CAVIN1: variants seen among roughly 807,000 people sequenced by gnomAD.
CAVIN1 encodes the protein caveolae-associated protein 1.
In CAVIN1, 16 loss-of-function variants were observed where a neutral mutation model predicts 24.0. That is an observed-to-expected ratio of 0.67 (90% confidence interval 0.45 to 1.01). The LOEUF is 1.01. Among genes scored for constraint, CAVIN1 ranks in the 50% least tolerant of loss-of-function variants. CAVIN1 has a pLI of 0.00. For synonymous variants in CAVIN1, 256 were observed against 256.4 expected, an observed-to-expected ratio of 1.00 and a Z score of 0.02; for missense variants, 510 against 551.7, an observed-to-expected ratio of 0.92 and a Z score of 0.76.
At chr17:42,418,141 T>G (rs1224155893) in intron 1 of CAVIN1, among the ~76,000 whole-genome samples, 3 of 152,068 alleles carry the variant, frequency 2.0e-5, no homozygotes, top group Non-Finnish European at 4.4e-5. Context: ...GTAAAGTTAC[T>G]CTATGATGTT....
At chr17:42,422,579 G>A (rs2085558222) in intron 1 of CAVIN1, 48 bp downstream of exon 1, 1 of 1,456,862 alleles carries the variant, frequency 6.9e-7, no homozygotes, top group Non-Finnish European at 9.4e-7. Context: ...GGCAGGGGAC[G>A]CGGGCCGGGC....
intron 1 of CAVIN1, chr17:42,412,086 G>A: frequency 1.0e-6 from 1 of 985,346 alleles, no homozygotes; most frequent in Non-Finnish European, 1.2e-6. Context: ...GGGTGGGCCG[G>A]GGCCCAGGCT....
chr17:42,404,576 G>T lies in CAVIN1; in HGVS notation c.*111C>A, dbSNP rs1041010943. On this transcript the variant is annotated 3_prime_UTR_variant, in exon 2 of 2. Coordinates refer to ENST00000357037, the MANE Select transcript of CAVIN1 (RefSeq NM_012232.6). ...AGTGGAGTTCCTGGAGGTGTGGGGAGGGGGGCGTGTTTTCAATTTAGAAAA... is the reference window on the plus strand; with the variant it reads ...AGTGGAGTTCCTGGAGGTGTGGGGATGGGGGCGTGTTTTCAATTTAGAAAA... 1.0e-5 allele frequency: 7 copies of T among 702,120 alleles called. No individual in the cohort carries two copies. The highest frequency in any genetic ancestry group is 3.9e-5 in the Admixed American group (1 of 25,642). The allele number at this position is 702,120 out of a possible 1,614,324, so 43.5% of individuals were successfully genotyped here. A position where few individuals can be genotyped will look rare whatever the true frequency, so the allele number is the denominator to read the frequency against.
chr17:42,412,202 C>T (rs1434183061), intron 1 of CAVIN1: 3 of 985,066 alleles, frequency 3.0e-6, no homozygotes, highest in Non-Finnish European at 3.6e-6. Flanking sequence ...TCAAAAGGCA[C>T]GATCTTGGGT....
At chr17:42,415,042 G>T (rs1192742155) in intron 1 of CAVIN1, among the ~76,000 whole-genome samples, 1 of 150,656 alleles carries the variant, frequency 6.6e-6, no homozygotes, top group Non-Finnish European at 1.5e-5. Flanking sequence ...GCACTTACAA[G>T]GCTAAGCAGC....
Position 42,422,966 on chromosome 17 carries a change from G to T in CAVIN1, c.132C>A (p.Ile44=). ...EPSGAGSEEL[I]KSDQVNGVLV... is the part of the protein sequence containing the mutation. Reference sequence around the variant, plus strand: ...GCACGCCGTTCACCTGGTCCGACTTGATCAGCTCTTCTGAGCCGGCCCCCG... The same window carrying T: ...GCACGCCGTTCACCTGGTCCGACTTTATCAGCTCTTCTGAGCCGGCCCCCG... Residue 44 remains isoleucine (I), a synonymous_variant, in exon 1 of 2, where the codon ATC becomes ATA. Coordinates refer to ENST00000357037, the MANE Select transcript of CAVIN1 (RefSeq NM_012232.6). The T allele has an allele frequency of 6.2e-7, 1 of 1,613,934 alleles. No individual in the cohort carries two copies. The highest frequency in any genetic ancestry group is 8.5e-7 in the Non-Finnish European group (1 of 1,179,988).
At chr17:42,409,076 G>A (rs1486273063) in intron 1 of CAVIN1, among the ~76,000 whole-genome samples, 2 of 151,992 alleles carry the variant, frequency 1.3e-5, no homozygotes, top group African/African-American at 2.4e-5. Context: ...ACAGGCACGA[G>A]CCACCGCATC....
chr17:42,413,657 A>T (rs889898399), intron 1 of CAVIN1, among the ~76,000 whole-genome samples: 4 of 149,688 alleles, frequency 2.7e-5, no homozygotes, highest in Admixed American at 1.3e-4. Context: ...TAATAAACAC[A>T]GCTTCAATTG....
At chr17:42,410,104 A>G (rs2085467173) in intron 1 of CAVIN1, among the ~76,000 whole-genome samples, 1 of 152,176 alleles carries the variant, frequency 6.6e-6, no homozygotes, top group Admixed American at 6.5e-5. Context: ...TTATAATGTC[A>G]TTGAGCACCT....
At chr17:42,422,460 C>G (rs1053873876) in intron 1 of CAVIN1, among the ~76,000 whole-genome samples, 167 bp downstream of exon 1, 2 of 151,428 alleles carry the variant, frequency 1.3e-5, no homozygotes, top group African/African-American at 4.8e-5. Flanking sequence ...CTACCCCACC[C>G]AACCCCACCC....
intron 1 of CAVIN1, among the ~76,000 whole-genome samples, chr17:42,421,484 A>G (rs1279681744): frequency 6.6e-6 from 1 of 152,078 alleles, no homozygotes; most frequent in East Asian, 1.9e-4. Context: ...GCCCCACACG[A>G]TCCCGCCTCC....
chr17:42,422,520 G>T (rs2085557541), intron 1 of CAVIN1, 107 bp downstream of exon 1: 3 of 722,892 alleles, frequency 4.2e-6, no homozygotes, highest in Non-Finnish European at 2.1e-6. Flanking sequence ...CCCGGGCCAG[G>T]CTGGGAGGGG....
intron 1 of CAVIN1, among the ~76,000 whole-genome samples, chr17:42,420,381 G>A (rs1048112473): frequency 3.9e-5 from 6 of 152,206 alleles, no homozygotes; most frequent in Non-Finnish European, 7.3e-5. Flanking sequence ...TCCAGCAGCC[G>A]GGTCCCCACC....
In CAVIN1 at chr17:42,404,448, G is replaced by T; in HGVS notation, c.*239C>A. The T allele has an allele frequency of 2.5e-6, 1 of 397,866 alleles. No homozygotes were observed. 24.6% of individuals were successfully genotyped at this position (397,866 alleles called of 1,614,324 possible). On this transcript the variant is annotated 3_prime_UTR_variant, in exon 2 of 2. Transcript: ENST00000357037. The stretch of plus-strand genomic sequence containing the variant: ...ATCCCGACTTGGACAACCAGGACAG[G>T]GATTGACCATTCCCTTCCCATTCCA...
chr17:42,409,930 T>G (rs1438165824), intron 1 of CAVIN1, among the ~76,000 whole-genome samples: 3 of 152,098 alleles, frequency 2.0e-5, no homozygotes, highest in African/African-American at 7.2e-5. Context: ...TGACCAGCTC[T>G]GAACAAAAGC....
intron 1 of CAVIN1, among the ~76,000 whole-genome samples, chr17:42,419,180 G>C (rs2085530238): frequency 6.6e-6 from 1 of 152,092 alleles, no homozygotes; most frequent in Admixed American, 6.6e-5. Flanking sequence ...TTGAGCAACA[G>C]AGTGAGAACT....
rs551004856 is a variant in CAVIN1 at position 42,417,153 on chromosome 17, C to A, written c.471+5474G>T. On this transcript the variant is annotated intron_variant, in intron 1 of 1. Transcript: ENST00000357037. ...AACAGACGGCATACACAACCGTGGT[C>A]CCATAAGATTGTAATGGAGGCTGGT... 9.9e-4 allele frequency among the ~76,000 whole-genome samples: 151 copies of A among 152,204 alleles called. 1 individual carries two copies. Among genetic ancestry groups the A allele is most frequent in the South Asian group, 1.7e-3 (8 of 4,824 alleles).
intron 1 of CAVIN1, among the ~76,000 whole-genome samples, chr17:42,418,723 T>C (rs11867405): frequency 0.24 from 37,209 of 152,046 alleles, 4,810 homozygotes; most frequent in South Asian, 0.41. Flanking sequence ...AGGAGTGGAA[T>C]TGGGATGTTC....
intron 1 of CAVIN1, among the ~76,000 whole-genome samples, chr17:42,418,265 C>T (rs916240743): frequency 2.2e-5 from 3 of 136,402 alleles, no homozygotes; most frequent in Non-Finnish European, 3.1e-5. Flanking sequence ...AAGTTTCGCT[C>T]TTGTTGCCCA....
Sources: gnomAD v4.1 joint callset for allele counts (sites outside exome capture counted in the v4.1 genomes callset) on GRCh38, gnomAD v4.1.1 for gene constraint, MANE v1.5 for transcripts, NCBI Gene and HGNC (gene_info 2026-07-23, HGNC 2026-07-21) for gene names.